Variants in PDE4D observed in about 807,000 individuals in gnomAD.
PDE4D encodes the protein phosphodiesterase 4D.
Under a neutral mutation model 87.4 loss-of-function variants are expected in PDE4D, and 24 were observed. The observed-to-expected ratio is 0.27, with a 90% CI of 0.20 to 0.39. The LOEUF is 0.39. PDE4D is among the 10% of genes least tolerant of loss of function. PDE4D has a pLI of 1.00. For synonymous variants in PDE4D, 384 were observed against 383.2 expected (o/e 1.00, Z -0.02); for missense variants, 714 against 1,041.0 (o/e 0.69, Z 4.32).
At chr5:59,119,096 A>G (rs562837376) in intron 5 of PDE4D, among the ~76,000 whole-genome samples, 201 of 152,318 alleles carry the variant, frequency 1.3e-3, no homozygotes, top group African/African-American at 4.7e-3. Flanking sequence ...TGAGGTTGTA[A>G]TACTCCAAAA....
intron 1 of PDE4D, among the ~76,000 whole-genome samples, chr5:60,437,406 T>C (rs903570275): frequency 5.3e-5 from 8 of 152,136 alleles, no homozygotes; most frequent in African/African-American, 1.9e-4. Context: ...CAAAGTGCCT[T>C]ATACAAAGTA....
chr5:59,843,883 C>T (rs568999323), intron 1 of PDE4D, among the ~76,000 whole-genome samples: 3 of 152,064 alleles, frequency 2.0e-5, no homozygotes, highest in Admixed American at 2.0e-4. Context: ...TGGAATTTTG[C>T]TCCCCTCAAT....
At chr5:60,485,733 T>C (rs1235382621) in intron 1 of PDE4D, among the ~76,000 whole-genome samples, 1 of 152,214 alleles carries the variant, frequency 6.6e-6, no homozygotes, top group Non-Finnish European at 1.5e-5. Context: ...TTCCCCACCA[T>C]GCCTTGCCCC....
intron 1 of PDE4D, among the ~76,000 whole-genome samples, chr5:59,820,171 T>C (rs1426773169): frequency 6.6e-6 from 1 of 152,254 alleles, no homozygotes; most frequent in Non-Finnish European, 1.5e-5. Context: ...TATGTTTCTT[T>C]TTCTTGCCTC....
chr5:59,968,382 G>A (rs763242125), intron 3 of PDE4D, among the ~76,000 whole-genome samples: 2 of 151,954 alleles, frequency 1.3e-5, no homozygotes, highest in Admixed American at 1.3e-4. Context: ...CAGCACACGT[G>A]GACATATGTA....
chr5:59,953,722 A>G (rs1193640281), intron 3 of PDE4D, among the ~76,000 whole-genome samples: 1 of 152,228 alleles, frequency 6.6e-6, no homozygotes, highest in Non-Finnish European at 1.5e-5. Flanking sequence ...TTAATATTAT[A>G]TAATTCATTT....
At chr5:60,209,482 G>T (rs1236485394) in intron 1 of PDE4D, among the ~76,000 whole-genome samples, 2 of 152,078 alleles carry the variant, frequency 1.3e-5, no homozygotes, top group Non-Finnish European at 2.9e-5. Context: ...ATCCAGCAAA[G>T]GGCCTATTGT....
chr5:59,491,486 C>A (rs1263601727), intron 1 of PDE4D, among the ~76,000 whole-genome samples: 1 of 152,130 alleles, frequency 6.6e-6, no homozygotes, highest in Non-Finnish European at 1.5e-5. Context: ...AATTAAGTAG[C>A]TACATCACAG....
chr5:60,282,208 CATATATATATATAT>C (rs140298004), intron 1 of PDE4D, among the ~76,000 whole-genome samples: 70 of 128,392 alleles, frequency 5.5e-4, no homozygotes, highest in South Asian at 2.3e-3. Flanking sequence ...GAGAAATAAA[CATATATATATATAT>C]ATATATATAT....
chr5:59,801,493 C>A (rs1054628288), intron 1 of PDE4D, among the ~76,000 whole-genome samples: 11 of 152,008 alleles, frequency 7.2e-5, no homozygotes, highest in African/African-American at 2.4e-4. Flanking sequence ...GGAATTAATT[C>A]TTTTTACAAG....
chr5:60,108,207 C>T lies in PDE4D; in HGVS notation c.42+77350G>A, dbSNP rs540799807. On this transcript the variant is annotated intron_variant, in intron 2 of 16. Transcript: ENST00000502484. ...TACAAAAATCACAAGCATTCTTATA[C>T]AGCAACAACAGACAAACAGAGAGCC... is the stretch of plus-strand genomic sequence containing the variant. Among the ~76,000 whole-genome samples, 648 of 151,814 alleles carry T rather than the reference C, an allele frequency of 4.3e-3. 5 individuals are homozygous for T. The highest frequency in any genetic ancestry group is 0.015 in the African/African-American group (630 of 41,342).
chr5:59,270,319 T>A (rs549515376), intron 1 of PDE4D, among the ~76,000 whole-genome samples: 1 of 152,296 alleles, frequency 6.6e-6, no homozygotes, highest in Non-Finnish European at 1.5e-5. Flanking sequence ...TGTTTGCGTA[T>A]TTACAAGTTT....
intron 1 of PDE4D, among the ~76,000 whole-genome samples, chr5:60,446,793 C>T (rs2150143514): frequency 6.6e-6 from 1 of 152,224 alleles, no homozygotes; most frequent in East Asian, 1.9e-4. Context: ...GCACAATGGA[C>T]CTTGGTATGC....
intron 1 of PDE4D, among the ~76,000 whole-genome samples, chr5:60,312,788 A>G (rs1225193029): frequency 6.6e-6 from 1 of 152,188 alleles, no homozygotes; most frequent in Non-Finnish European, 1.5e-5. Flanking sequence ...AAACCATACA[A>G]TTACATGAAA....
chr5:59,156,331 ATGTGTGTG>A lies in PDE4D; in HGVS notation c.808+24256_808+24263del, dbSNP rs60467130. Among the ~76,000 whole-genome samples the A allele has an allele frequency of 1.3e-3, 158 of 122,614 alleles. 1 individual carries two copies. Among genetic ancestry groups the A allele is most frequent in the Middle Eastern group, 4.0e-3 (1 of 248 alleles). The allele number at this position is 122,614 out of a possible 152,430, so 80.4% of individuals were successfully genotyped here. A position where few individuals can be genotyped will look rare whatever the true frequency, so the allele number is the denominator to read the frequency against. ...CCAGAAAAAAAAAAAATATATATAT[ATGTGTGTG>A]TGTGTGTGTGTGTGTGTGTGTGTGT... On this transcript the variant is annotated intron_variant, in intron 5 of 14. Transcript: ENST00000340635.
chr5:60,490,945 C>G (rs1749499046), upstream of PDE4D: 1 of 152,180 alleles, frequency 6.6e-6, no homozygotes, highest in South Asian at 2.1e-4. Context: ...CATGAGTAAA[C>G]TATAGAAAAC....
At chr5:60,052,533 A>G (rs1770295664) in intron 2 of PDE4D, among the ~76,000 whole-genome samples, 1 of 152,044 alleles carries the variant, frequency 6.6e-6, no homozygotes, top group Admixed American at 6.6e-5. Context: ...TTGATGAAAC[A>G]TATCTCAAAA....
At chr5:59,832,025 T>C (rs1317657466) in intron 1 of PDE4D, among the ~76,000 whole-genome samples, 1 of 152,044 alleles carries the variant, frequency 6.6e-6, no homozygotes, top group African/African-American at 2.4e-5. Flanking sequence ...GAATTTCAAC[T>C]TAAGTAAACA....
intron 1 of PDE4D, among the ~76,000 whole-genome samples, chr5:60,363,715 C>T (rs1163278944): frequency 1.3e-5 from 2 of 152,088 alleles, no homozygotes; most frequent in Non-Finnish European, 2.9e-5. Context: ...TGACTTGAGA[C>T]CCAAATGAAA....
Sources: allele counts gnomAD v4.1 joint callset (sites outside exome capture counted in the v4.1 genomes callset), GRCh38; gene constraint gnomAD v4.1.1; transcripts MANE v1.5; gene names NCBI Gene and HGNC (gene_info 2026-07-23, HGNC 2026-07-21).